Variants in CWC22 observed in about 807,000 individuals in gnomAD.
CWC22 encodes the protein CWC22 spliceosome associated protein.
In CWC22, 53 loss-of-function variants were observed where a neutral mutation model predicts 117.2. The ratio of observed to expected loss-of-function variants is 0.45; its 90% CI spans 0.36 to 0.57. The LOEUF is 0.57. Among genes scored for constraint, CWC22 ranks in the 20% least tolerant of loss-of-function variants. The pLI is 0.00. For missense variants in CWC22, 980 were observed against 1,068.8 expected (o/e 0.92, Z 1.16); for synonymous variants, 360 against 355.6 (o/e 1.01, Z -0.14).
intron 1 of CWC22, among the ~76,000 whole-genome samples, chr2:180,001,197 C>A (rs1687839247): frequency 6.6e-6 from 1 of 152,090 alleles, no homozygotes. Flanking sequence ...TTTAATGATT[C>A]ATTTAAAAAT....
chr2:179,948,044 T>C (rs748362511), intron 19 of CWC22, among the ~76,000 whole-genome samples: 1 of 152,194 alleles, frequency 6.6e-6, no homozygotes, highest in East Asian at 1.9e-4. Context: ...TCTTTTACTA[T>C]AGCATTTCCA....
At position 179,971,114 on chromosome 2, in the gene CWC22, C is replaced by A. The variant is rs1687022234; in HGVS notation, c.805-38G>T. The A allele has an allele frequency of 3.1e-6, 4 of 1,293,340 alleles. No homozygotes were observed. The South Asian group carries it at 6.3e-5, about 20-fold the overall frequency. The allele number at this position is 1,293,340 out of a possible 1,614,324, so 80.1% of individuals were successfully genotyped here. A position where few individuals can be genotyped will look rare whatever the true frequency, so the allele number is the denominator to read the frequency against. On this transcript the variant is annotated intron_variant, in intron 8 of 19. Transcript: ENST00000410053. Reference sequence around the variant, plus strand: ...ACATATACAAGGAAGAAACAAAATGCTTTTACATACATTAAATTATTTTTA... The same window carrying A: ...ACATATACAAGGAAGAAACAAAATGATTTTACATACATTAAATTATTTTTA...
chr2:179,973,163 T>C, intron 8 of CWC22, 30 bp downstream of exon 8: 1 of 1,531,526 alleles, frequency 6.5e-7, no homozygotes. Context: ...TGCCACTGAA[T>C]GGGACCAAGT....
rs190468897 is a variant in CWC22, at chr2:179,983,309, T to C, written c.207-1312A>G. Among the ~76,000 whole-genome samples the C allele has an allele frequency of 3.6e-4, 55 of 152,182 alleles. 1 individual carries two copies. In the East Asian group the frequency reaches 9.9e-3, roughly 27 times the overall value. ...AGGCCCCAGTGTGTGTTGTTCTCCA[T>C]GTGTTAATGTGTTCTCATAATTTAG... On this transcript the variant is annotated intron_variant, in intron 4 of 19. Coordinates refer to ENST00000410053, the MANE Select transcript of CWC22 (RefSeq NM_020943.3).
At chr2:179,955,618 CCTAT>C (rs1686569043) in intron 14 of CWC22, among the ~76,000 whole-genome samples, 1 of 151,912 alleles carries the variant, frequency 6.6e-6, no homozygotes, top group Non-Finnish European at 1.5e-5. Context: ...TTCATATAGA[CCTAT>C]CTATATGGAT....
intron 1 of CWC22, among the ~76,000 whole-genome samples, chr2:179,996,347 C>T (rs971865140): frequency 6.6e-6 from 1 of 151,574 alleles, no homozygotes; most frequent in African/African-American, 2.4e-5. Flanking sequence ...AAATTTCAGC[C>T]AAGAGAAACG....
intron 13 of CWC22, among the ~76,000 whole-genome samples, chr2:179,962,077 A>C (rs1175911828): frequency 6.6e-6 from 1 of 152,160 alleles, no homozygotes; most frequent in African/African-American, 2.4e-5. Flanking sequence ...CTTCAATAAA[A>C]TAAAATCAGA....
intron 14 of CWC22, among the ~76,000 whole-genome samples, chr2:179,956,967 C>A (rs1415082116): frequency 6.6e-6 from 1 of 152,020 alleles, no homozygotes; most frequent in Non-Finnish European, 1.5e-5. Context: ...AATATTTTAA[C>A]ATTTTAATTA....
chr2:179,994,912 T>C (rs1244782675), intron 1 of CWC22, among the ~76,000 whole-genome samples: 1 of 152,096 alleles, frequency 6.6e-6, no homozygotes, highest in African/African-American at 2.4e-5. Context: ...GTCAGGAGAT[T>C]GACACCATCC....
intron 14 of CWC22, among the ~76,000 whole-genome samples, chr2:179,958,542 T>C (rs551783462): frequency 6.6e-6 from 1 of 151,462 alleles, no homozygotes; most frequent in Non-Finnish European, 1.5e-5. Flanking sequence ...CTTAAAACAT[T>C]ATGTTTTTTT....
At chr2:179,977,944 T>A (rs1340112211) in intron 6 of CWC22, among the ~76,000 whole-genome samples, 1 of 152,162 alleles carries the variant, frequency 6.6e-6, no homozygotes, top group African/African-American at 2.4e-5. Flanking sequence ...TAAGTAAATG[T>A]CTGCAAAAAC....
At chr2:180,003,779 T>C (rs1369770482) in intron 1 of CWC22, among the ~76,000 whole-genome samples, 1 of 152,086 alleles carries the variant, frequency 6.6e-6, no homozygotes, top group East Asian at 1.9e-4. Context: ...GAGTTCCTCC[T>C]CCCCACTAGC....
intron 6 of CWC22, among the ~76,000 whole-genome samples, chr2:179,977,855 G>T (rs1012616392): frequency 7.2e-5 from 11 of 151,980 alleles, no homozygotes; most frequent in African/African-American, 2.4e-4. Flanking sequence ...ATTTAAAAAA[G>T]AAATAAAAAA....
At chr2:179,960,952 A>G (rs1686733755) in intron 13 of CWC22, among the ~76,000 whole-genome samples, 1 of 151,932 alleles carries the variant, frequency 6.6e-6, no homozygotes, top group Non-Finnish European at 1.5e-5. Context: ...TTTACTAGAC[A>G]TTGCCGATTT....
chr2:179,957,293 G>A (rs4894139), intron 14 of CWC22, among the ~76,000 whole-genome samples: 99,171 of 152,004 alleles, frequency 0.65, 32,828 homozygotes, highest in Middle Eastern at 0.71. Context: ...GGGAAAAAAA[G>A]GAATCTTTTA....
chr2:179,996,666 T>G (rs1687709821), intron 1 of CWC22, among the ~76,000 whole-genome samples: 1 of 150,470 alleles, frequency 6.6e-6, no homozygotes, highest in South Asian at 2.1e-4. Context: ...GTGTGGAGGA[T>G]GAAGGAAAAA....
chr2:179,946,483 G>A (rs1432074457), intron 19 of CWC22, among the ~76,000 whole-genome samples: 1 of 142,602 alleles, frequency 7.0e-6, no homozygotes, highest in Non-Finnish European at 1.5e-5. Flanking sequence ...GGGAAGGGGA[G>A]GGGAGGGAGG....
intron 4 of CWC22, among the ~76,000 whole-genome samples, chr2:179,982,471 G>T (rs1167728949): frequency 2.0e-5 from 3 of 152,140 alleles, no homozygotes; most frequent in Non-Finnish European, 4.4e-5. Context: ...AGTGTTTTAA[G>T]AAGACAAATT....
At chr2:179,945,765 C>T in intron 19 of CWC22, 50 bp from the exon 20 acceptor site, 1 of 1,149,396 alleles carries the variant, frequency 8.7e-7, no homozygotes, top group South Asian at 1.5e-5. Context: ...ATCTTAATTT[C>T]ATAATTATAA....
Sources: allele counts gnomAD v4.1 joint callset (sites outside exome capture counted in the v4.1 genomes callset), GRCh38; gene constraint gnomAD v4.1.1; transcripts MANE v1.5; gene names NCBI Gene and HGNC (gene_info 2026-07-23, HGNC 2026-07-21).